The following ZZEF1 variants were observed in gnomAD, a reference collection of about 807,000 sequenced individuals.
The protein encoded by ZZEF1 is zinc finger ZZ-type and EF-hand domain-containing protein 1.
In ZZEF1, 157 loss-of-function variants were observed where a neutral mutation model predicts 342.8. The observed-to-expected ratio is 0.46, with a 90% CI of 0.40 to 0.52. The LOEUF (loss-of-function observed/expected upper bound fraction) is 0.52, where lower values mean the gene tolerates loss of function less well. Ranked by LOEUF, ZZEF1 falls within the 20% of genes least tolerant of loss-of-function variation. The pLI is 0.00. For missense variants in ZZEF1, 3,480 were observed against 3,725.6 expected (o/e 0.93, Z 1.72); for synonymous variants, 1,505 against 1,429.1 (o/e 1.05, Z -1.20).
rs62072399 is a variant in ZZEF1 at position 4,038,294 on chromosome 17, T to G, written c.6307-4002A>C. Among the ~76,000 whole-genome samples the G allele has an allele frequency of 3.0e-4, 46 of 152,358 alleles. No homozygotes were observed. The East Asian group carries it at 8.3e-3, about 27-fold the overall frequency. On this transcript the variant is annotated intron_variant, in intron 39 of 54. Coordinates refer to ENST00000381638, the MANE Select transcript of ZZEF1 (RefSeq NM_015113.4). Reference sequence around the variant, plus strand: ...GCAGAAACTGTTTGGCAGGCCAAGTTTGGCCTGCATTCAGATGCTCATCAA... The same window carrying G: ...GCAGAAACTGTTTGGCAGGCCAAGTGTGGCCTGCATTCAGATGCTCATCAA...
intron 4 of ZZEF1, 80 bp downstream of exon 4, chr17:4,114,219 C>A (rs1391614605): frequency 1.2e-5 from 15 of 1,215,204 alleles, no homozygotes; most frequent in Non-Finnish European, 1.6e-5. Context: ...TTCATAGCCA[C>A]TTAAAATACA....
chr17:4,073,708 G>A (rs549485725), intron 24 of ZZEF1, among the ~76,000 whole-genome samples: 2 of 152,224 alleles, frequency 1.3e-5, no homozygotes, highest in East Asian at 3.9e-4. Flanking sequence ...CTAAAGTGCT[G>A]GGATTACCAG....
intron 33 of ZZEF1, among the ~76,000 whole-genome samples, chr17:4,055,910 C>A (rs1252401726): frequency 6.6e-6 from 1 of 152,202 alleles, no homozygotes; most frequent in Admixed American, 6.5e-5. Flanking sequence ...GATCATCAGT[C>A]ATTAGACTCT....
chr17:4,091,717 C>A (rs1338506100), intron 11 of ZZEF1, among the ~76,000 whole-genome samples: 14 of 151,272 alleles, frequency 9.3e-5, no homozygotes, highest in Admixed American at 2.6e-4. Context: ...GTGGAGGTTG[C>A]AGTGAACTGA....
rs911843566 is a variant in ZZEF1, at chr17:4,022,706, T to G, written c.7212+3A>C. 1.4e-5 allele frequency: 22 copies of G among 1,613,706 alleles called. No homozygotes were observed. Among genetic ancestry groups the G allele is most frequent in the Non-Finnish European group, 2.5e-6 (3 of 1,179,980 alleles). On this transcript the variant is annotated splice_donor_region_variant and intron_variant, in intron 44 of 54. Transcript: ENST00000381638. Reference sequence around the variant, plus strand: ...AGGAGCAGGAGTCCCTCTCGTCTCTTACTTCCAGGTCCCGGAGGAGCCACG... The same window carrying G: ...AGGAGCAGGAGTCCCTCTCGTCTCTGACTTCCAGGTCCCGGAGGAGCCACG...
Position 4,006,933 on chromosome 17 carries a change from T to C in ZZEF1, c.8843A>G (p.Asn2948Ser), listed in dbSNP as rs745772153. ...QNIAAISLAINYPNKATRLWN... is the reference protein window; with the variant it reads ...QNIAAISLAISYPNKATRLWN... ...GAGGCGGGTGGCCTTGTTTGGGTAGTTGATGGCCAGGCTGATGGCAGCAAT... is the reference window on the plus strand; with the variant it reads ...GAGGCGGGTGGCCTTGTTTGGGTAGCTGATGGCCAGGCTGATGGCAGCAAT... Residue 2948 changes from asparagine to serine, a missense_variant, in exon 55 of 55, where the codon AAC becomes AGC. By Grantham distance (46) the Asn-to-Ser change is conservative (BLOSUM62 1). Transcript: ENST00000381638. 7 of 1,576,986 alleles carry C rather than the reference T, an allele frequency of 4.4e-6. No individual in the cohort carries two copies. The South Asian group carries it at 4.6e-5, about 10-fold the overall frequency.
Position 4,049,594 on chromosome 17 carries a change from C to T in ZZEF1, c.6015+114G>A, listed in dbSNP as rs2057000924. On this transcript the variant is annotated intron_variant, in intron 37 of 54. Transcript: ENST00000381638. ...GTTTGATGGAGCAGGCATGTGAATCCAGCAGTCTGGGTTAGGAGTCTGTGC... is the reference window on the plus strand; with the variant it reads ...GTTTGATGGAGCAGGCATGTGAATCTAGCAGTCTGGGTTAGGAGTCTGTGC... The T allele has an allele frequency of 4.9e-6, 6 of 1,234,458 alleles. No homozygotes were observed. In the East Asian group the frequency reaches 1.4e-4, roughly 29 times the overall value. The allele number at this position is 1,234,458 out of a possible 1,614,324, so 76.5% of individuals were successfully genotyped here.
intron 2 of ZZEF1, among the ~76,000 whole-genome samples, chr17:4,120,791 C>A (rs1486276021): frequency 6.6e-6 from 1 of 152,104 alleles, no homozygotes; most frequent in African/African-American, 2.4e-5. Flanking sequence ...AAAAACAAAA[C>A]AAAAACTTGT....
chr17:4,030,038 AAAAAG>A (rs1202194014), intron 42 of ZZEF1, among the ~76,000 whole-genome samples: 3 of 151,796 alleles, frequency 2.0e-5, no homozygotes, highest in African/African-American at 4.8e-5. Flanking sequence ...AAAAAAAAAA[AAAAAG>A]AAAAGAAAAG....
chr17:4,054,506 A>C lies in ZZEF1; in HGVS notation c.5296-311T>G, dbSNP rs570060709. On this transcript the variant is annotated intron_variant, in intron 33 of 54. Transcript: ENST00000381638. Reference sequence around the variant, plus strand: ...AGATAATTCCTCAGGTGAGACCCAAAGGACAAACAGGTACTAGACGGGTCG... The same window carrying C: ...AGATAATTCCTCAGGTGAGACCCAACGGACAAACAGGTACTAGACGGGTCG... 4.8e-4 allele frequency among the ~76,000 whole-genome samples: 73 copies of C among 152,334 alleles called. 1 individual carries two copies. Among genetic ancestry groups the C allele is most frequent in the African/African-American group, 1.6e-3 (65 of 41,570 alleles).
chr17:4,057,477 AG>A (rs1325979878), intron 32 of ZZEF1, among the ~76,000 whole-genome samples: 4 of 152,224 alleles, frequency 2.6e-5, no homozygotes, highest in African/African-American at 7.2e-5. Flanking sequence ...GGATTTGAGT[AG>A]AGTGGAGAGA....
chr17:4,015,789 T>C (rs1597756775), intron 49 of ZZEF1, among the ~76,000 whole-genome samples: 1 of 152,222 alleles, frequency 6.6e-6, no homozygotes, highest in East Asian at 1.9e-4. Flanking sequence ...AGGGACTACA[T>C]GGCCTTAAGT....
chr17:4,044,383 A>C lies in ZZEF1; in HGVS notation c.6016-9T>G, dbSNP rs115744090. 4,584 of 1,602,462 alleles carry C rather than the reference A, an allele frequency of 2.9e-3. 110 individuals carry two copies. The African/African-American group carries it at 0.055, about 19-fold the overall frequency. On this transcript the variant is annotated splice_polypyrimidine_tract_variant and intron_variant, in intron 37 of 54. Transcript: ENST00000381638. ...TGAACAGCTCTCTTTCCCTAAAAAA[A>C]CAAAAGTGTAAAAGAATTAAGGTTT...
At chr17:4,051,875 A>G in intron 35 of ZZEF1, 96 bp downstream of exon 35, 1 of 1,335,028 alleles carries the variant, frequency 7.5e-7, no homozygotes, top group Non-Finnish European at 1.0e-6. Context: ...AAATTTTTAA[A>G]TAAAAAAAAC....
At chr17:4,075,731 T>A (rs1438297967) in intron 21 of ZZEF1, among the ~76,000 whole-genome samples, 3 of 151,084 alleles carry the variant, frequency 2.0e-5, no homozygotes, top group African/African-American at 7.3e-5. Flanking sequence ...GTGGAAAAAG[T>A]ACTGAATGAG....
At chr17:4,119,209 G>C (rs972820081) in intron 2 of ZZEF1, among the ~76,000 whole-genome samples, 1 of 152,208 alleles carries the variant, frequency 6.6e-6, no homozygotes, top group African/African-American at 2.4e-5. Flanking sequence ...TACAATCGGA[G>C]TCACCACTTG....
At position 4,044,203 on chromosome 17, in the gene ZZEF1, T is replaced by C. The variant is rs528728463; in HGVS notation, c.6166+21A>G. ...CATTTTAAGATGAAAGAGATGAAGATAATGGTCAAATAGTCTTTACCTGGA... is the reference window on the plus strand; with the variant it reads ...CATTTTAAGATGAAAGAGATGAAGACAATGGTCAAATAGTCTTTACCTGGA... On this transcript the variant is annotated intron_variant, in intron 38 of 54. Transcript: ENST00000381638. 5.6e-6 allele frequency: 9 copies of C among 1,611,782 alleles called. No individual in the cohort carries two copies. The African/African-American group carries it at 9.4e-5, about 17-fold the overall frequency.
In ZZEF1 at chr17:4,006,191, G is replaced by A. The variant is rs1196641234; in HGVS notation, c.*699C>T. On this transcript the variant is annotated 3_prime_UTR_variant, in exon 55 of 55. Transcript: ENST00000381638. The stretch of plus-strand genomic sequence containing the variant: ...TGTGGTTCTGCTCTAAAAACGTGAG[G>A]TGGAAACTGAAATATGTCAAAACAA... 2 of 154,612 alleles carry A rather than the reference G, an allele frequency of 1.3e-5. No homozygotes were observed. The highest frequency in any genetic ancestry group is 3.8e-4 in the East Asian group (2 of 5,208). 9.6% of individuals were successfully genotyped at this position (154,612 alleles called of 1,614,324 possible).
rs150661461 is a variant in ZZEF1 at position 4,016,326 on chromosome 17, G to A, written c.8142C>T (p.Phe2714=). Residue 2714 remains phenylalanine, a synonymous_variant, in exon 49 of 55, where the codon TTC becomes TTT. Coordinates refer to ENST00000381638, the MANE Select transcript of ZZEF1 (RefSeq NM_015113.4). The surrounding 1 kb of genome is among the most constrained non-coding windows in gnomAD (Gnocchi z 4.4). ...GGCCTGCCGGCCCCAGGCTTACCTC[G>A]AAGTTGGTGTTGTTGTTATACGGGT... ...SKHPYNNNTN[F]EDKVHIPGAI... 4.3e-6 allele frequency: 7 copies of A among 1,613,144 alleles called. No individual in the cohort carries two copies. Among genetic ancestry groups the A allele is most frequent in the African/African-American group, 4.0e-5 (3 of 74,846 alleles).
Sources: gnomAD v4.1 joint callset for allele counts (sites outside exome capture counted in the v4.1 genomes callset) on GRCh38, gnomAD v4.1.1 for gene constraint, Gnocchi (gnomAD v3.1) non-coding constraint, MANE v1.5 for transcripts, NCBI Gene and HGNC (gene_info 2026-07-23, HGNC 2026-07-21) for gene names.